The following AGTPBP1 variants were observed in gnomAD, a reference collection of about 807,000 sequenced individuals.
AGTPBP1 encodes the protein cytosolic carboxypeptidase 1.
Under a neutral mutation model 143.9 loss-of-function variants are expected in AGTPBP1, and 70 were observed. The observed-to-expected ratio is 0.49, with a 90% CI of 0.40 to 0.59. The LOEUF (loss-of-function observed/expected upper bound fraction) is 0.59. AGTPBP1 is among the 20% of genes least tolerant of loss of function. The pLI is 0.00. For synonymous variants in AGTPBP1, 463 were observed against 500.2 expected, an observed-to-expected ratio of 0.93 and a Z score of 0.99; for missense variants, 1,229 against 1,464.5, an observed-to-expected ratio of 0.84 and a Z score of 2.62.
chr9:85,729,257 G>A (rs1276384674), intron 1 of AGTPBP1, among the ~76,000 whole-genome samples: 1 of 152,068 alleles, frequency 6.6e-6, no homozygotes, highest in Non-Finnish European at 1.5e-5. Context: ...CCACCCAAGT[G>A]CCCACCAATA....
At chr9:85,741,655 G>A (rs548745537) in intron 1 of AGTPBP1, 120 bp downstream of exon 1, 8 of 1,250,914 alleles carry the variant, frequency 6.4e-6, no homozygotes, top group Non-Finnish European at 8.0e-6. Flanking sequence ...GTCAGGTAAG[G>A]GGCGCAGGGA....
the AGTPBP1 span, chr9:85,781,272 T>A: frequency 1.6e-4 from 257 of 1,558,586 alleles, no homozygotes; most frequent in Non-Finnish European, 2.0e-4. Context: ...TGGAAAAAGA[T>A]CTTTATTTCT....
At chr9:85,757,829 A>C in the AGTPBP1 span, among the ~76,000 whole-genome samples, 3 of 152,154 alleles carry the variant, frequency 2.0e-5, no homozygotes, top group Non-Finnish European at 4.4e-5. Flanking sequence ...TCATGAAACT[A>C]TTTTTTCTCA....
chr9:85,779,162 GAACT>G, the AGTPBP1 span, among the ~76,000 whole-genome samples: 4 of 148,796 alleles, frequency 2.7e-5, no homozygotes, highest in East Asian at 2.0e-4. Flanking sequence ...TAGAGGGACA[GAACT>G]AATAGGAGAT....
chr9:85,591,513 G>T (rs1020273178), intron 19 of AGTPBP1, among the ~76,000 whole-genome samples: 2 of 151,964 alleles, frequency 1.3e-5, no homozygotes. Context: ...TATATTAAAA[G>T]GCACAATCAG....
upstream of AGTPBP1, among the ~76,000 whole-genome samples, chr9:85,746,417 T>C (rs1824582942): frequency 6.6e-6 from 1 of 151,796 alleles, no homozygotes; most frequent in East Asian, 1.9e-4. Flanking sequence ...GAGCCAGGAG[T>C]TCAAGACCAG....
the AGTPBP1 span, among the ~76,000 whole-genome samples, chr9:85,779,178 TATAGATATAGATATAGATATAGATATAG>T: frequency 6.7e-4 from 7 of 10,388 alleles, no homozygotes; most frequent in East Asian, 6.2e-3. Flanking sequence ...ATAGGAGATA[TATAGATATAGATATAGATATAGATATAG>T]ATATAGATAT....
intron 1 of AGTPBP1, among the ~76,000 whole-genome samples, chr9:85,715,068 G>A (rs181278477): frequency 1.2e-4 from 18 of 152,060 alleles, no homozygotes; most frequent in African/African-American, 3.4e-4. Context: ...TAAACATGGT[G>A]AAACTCCATC....
Position 85,655,137 on chromosome 9 carries a change from T to C in AGTPBP1, c.1087+6A>G. The C allele has an allele frequency of 6.2e-7, 1 of 1,604,092 alleles. No homozygotes were observed. Among genetic ancestry groups the C allele is most frequent in the South Asian group, 1.1e-5 (1 of 89,466 alleles). ...ACAAAAAGCAGCAGTGACCCTGTGA[T>C]CCTACCTTCAGGAGGTAAGCTGTAG... On this transcript the variant is annotated splice_donor_region_variant and intron_variant, in intron 11 of 25. Coordinates refer to ENST00000357081, the MANE Select transcript of AGTPBP1 (RefSeq NM_001330701.2).
At chr9:85,611,615 GTAGA>G (rs1206325596) in intron 17 of AGTPBP1, among the ~76,000 whole-genome samples, 2 of 152,126 alleles carry the variant, frequency 1.3e-5, no homozygotes, top group African/African-American at 2.4e-5. Context: ...TAAGTCTTAG[GTAGA>G]TAGAGAAGAC....
At position 85,589,635 on chromosome 9, in the gene AGTPBP1, T is replaced by C. The variant is rs1461615249; in HGVS notation, c.2615A>G (p.Tyr872Cys). The C allele has an allele frequency of 1.2e-6, 2 of 1,613,234 alleles. No homozygotes were observed. The highest frequency in any genetic ancestry group is 1.1e-5 in the South Asian group (1 of 90,972). ...TTCACATAACACATCTTTCCGAAAATAGATTTGCTGAGGATTGTGTGCTGA... is the reference window on the plus strand; with the variant it reads ...TTCACATAACACATCTTTCCGAAAACAGATTTGCTGAGGATTGTGTGCTGA... ...LESAHNPQQIYFRKDVLCETL... is the reference protein window; with the variant it reads ...LESAHNPQQICFRKDVLCETL... The change falls in exon 20 of 26, where the codon TAT becomes TGT. Residue 872 changes from tyrosine to cysteine, a missense_variant. Physicochemically the swap from Tyr to Cys is radical, Grantham distance 194. Transcript: ENST00000357081.
rs111677670 is a variant in AGTPBP1, at chr9:85,662,326, TAAG to T, written c.663-1356_663-1354del. 9.9e-3 allele frequency among the ~76,000 whole-genome samples: 1,506 copies of T among 152,258 alleles called. 23 individuals carry two copies. Among genetic ancestry groups the T allele is most frequent in the African/African-American group, 0.034 (1,410 of 41,560 alleles). ...TTTTTATAATAACGAATTTGTAAAA[TAAG>T]AAATTCATACCTGTAACTTCCTCAA... On this transcript the variant is annotated intron_variant, in intron 8 of 25. Coordinates refer to ENST00000357081, the MANE Select transcript of AGTPBP1 (RefSeq NM_001330701.2).
At chr9:85,785,368 G>C in the AGTPBP1 span, among the ~76,000 whole-genome samples, 2 of 152,122 alleles carry the variant, frequency 1.3e-5, no homozygotes, top group South Asian at 2.1e-4. Context: ...TGTCTTTGCA[G>C]GACTAAAAGT....
At chr9:85,591,196 G>C (rs1363174801) in intron 19 of AGTPBP1, among the ~76,000 whole-genome samples, 1 of 151,594 alleles carries the variant, frequency 6.6e-6, no homozygotes, top group South Asian at 2.1e-4. Flanking sequence ...AAAAAAAAGG[G>C]GGGGAGTACT....
chr9:85,693,072 T>C (rs1028731570), intron 2 of AGTPBP1, among the ~76,000 whole-genome samples: 8 of 152,186 alleles, frequency 5.3e-5, no homozygotes, highest in Admixed American at 5.2e-4. Flanking sequence ...TTCAGTAATC[T>C]TACATCACAC....
chr9:85,735,236 C>A (rs1003978299), intron 1 of AGTPBP1, among the ~76,000 whole-genome samples: 5 of 152,140 alleles, frequency 3.3e-5, no homozygotes, highest in Non-Finnish European at 7.3e-5. Context: ...CATGAACGAA[C>A]CTTGAAGACA....
At chr9:85,682,172 TAAAAAAAA>T (rs745339958) in intron 3 of AGTPBP1, among the ~76,000 whole-genome samples, 2 of 85,830 alleles carry the variant, frequency 2.3e-5, no homozygotes, top group Admixed American at 1.3e-4. Flanking sequence ...TAGGATTGGT[TAAAAAAAA>T]AAAAAAAAAA....
Position 85,657,495 on chromosome 9 carries a change from C to T in AGTPBP1, c.849G>A (p.Lys283=), listed in dbSNP as rs1181691616. 7 of 1,613,724 alleles carry T rather than the reference C, an allele frequency of 4.3e-6. No homozygotes were observed. The East Asian group carries it at 8.9e-5, about 21-fold the overall frequency. Residue 283 remains lysine, a synonymous_variant, in exon 10 of 26, where the codon AAG becomes AAA. Coordinates refer to ENST00000357081, the MANE Select transcript of AGTPBP1 (RefSeq NM_001330701.2). ...LQSLKSVTNI[K]LGRKAFIDAN... is the part of the protein sequence containing the mutation. ...CATCAATAAATGCTTTTCTTCCCAA[C>T]TTGATGTTTGTAACACTTTTTAAAC...
chr9:85,791,328 C>T, the AGTPBP1 span, among the ~76,000 whole-genome samples: 1 of 151,340 alleles, frequency 6.6e-6, no homozygotes, highest in Non-Finnish European at 1.5e-5. Context: ...GAGCCGAGAT[C>T]GCGCCATTGC....
Sources: allele counts gnomAD v4.1 joint callset (sites outside exome capture counted in the v4.1 genomes callset), GRCh38; gene constraint gnomAD v4.1.1; transcripts MANE v1.5; gene names NCBI Gene and HGNC (gene_info 2026-07-23, HGNC 2026-07-21).